Variants in CCDC148 observed in about 807,000 individuals in gnomAD.
CCDC148 encodes the protein coiled-coil domain containing 148.
Under a neutral mutation model 85.7 loss-of-function variants are expected in CCDC148, and 89 were observed. That is an observed-to-expected ratio of 1.04 (90% CI 0.87 to 1.24). The LOEUF is 1.24. Among genes scored for constraint, CCDC148 ranks in the 50% most tolerant of loss-of-function variants. The pLI is 0.00. For synonymous variants in CCDC148, 230 were observed against 213.9 expected, an observed-to-expected ratio of 1.08 and a Z score of -0.66; for missense variants, 692 against 671.7, an observed-to-expected ratio of 1.03 and a Z score of -0.33.
At chr2:158,322,456 T>A (rs557424586) in intron 7 of CCDC148, among the ~76,000 whole-genome samples, 1 of 152,196 alleles carries the variant, frequency 6.6e-6, no homozygotes, top group South Asian at 2.1e-4. Flanking sequence ...TGTATAGTTT[T>A]TTTTCATTTT....
chr2:158,272,573 C>T (rs536388478), intron 9 of CCDC148, among the ~76,000 whole-genome samples: 1 of 152,224 alleles, frequency 6.6e-6, no homozygotes, highest in African/African-American at 2.4e-5. Context: ...AGACTCAGAC[C>T]TTTTGATGAA....
chr2:158,305,787 C>G (rs1691657308), intron 9 of CCDC148, among the ~76,000 whole-genome samples: 1 of 146,484 alleles, frequency 6.8e-6, no homozygotes, highest in Non-Finnish European at 1.5e-5. Flanking sequence ...AAAGGAGGGA[C>G]ACCCTCTGAG....
chr2:158,455,200 C>G (rs1021040502), intron 1 of CCDC148, among the ~76,000 whole-genome samples: 1 of 152,054 alleles, frequency 6.6e-6, no homozygotes, highest in Non-Finnish European at 1.5e-5. Flanking sequence ...ATTAAAAAGC[C>G]GGAAGAAGTA....
intron 1 of CCDC148, among the ~76,000 whole-genome samples, chr2:158,386,830 C>T (rs1192002568): frequency 6.6e-6 from 1 of 152,084 alleles, no homozygotes; most frequent in Non-Finnish European, 1.5e-5. Flanking sequence ...CTCATATGCA[C>T]AGAACAATTC....
intron 1 of CCDC148, among the ~76,000 whole-genome samples, chr2:158,417,130 G>T (rs2105319592): frequency 6.6e-6 from 1 of 152,298 alleles, no homozygotes; most frequent in Admixed American, 6.5e-5. Context: ...CTTTTTACCA[G>T]TTCCCTCCTC....
chr2:158,350,904 C>T (rs1329314466), intron 2 of CCDC148, among the ~76,000 whole-genome samples: 3 of 152,012 alleles, frequency 2.0e-5, no homozygotes, highest in African/African-American at 7.3e-5. Context: ...GTATATTCAA[C>T]AGCCTCTCTT....
chr2:158,198,049 C>A (rs1046460387), intron 11 of CCDC148, among the ~76,000 whole-genome samples: 10 of 152,252 alleles, frequency 6.6e-5, no homozygotes, highest in African/African-American at 2.4e-4. Flanking sequence ...CTCACCACAA[C>A]CTTTGCCCAA....
chr2:158,405,869 T>C (rs1685976250), intron 1 of CCDC148, among the ~76,000 whole-genome samples: 1 of 151,790 alleles, frequency 6.6e-6, no homozygotes, highest in African/African-American at 2.4e-5. Flanking sequence ...CTAGCATTCA[T>C]GAATATAGGA....
intron 1 of CCDC148, among the ~76,000 whole-genome samples, chr2:158,398,995 C>T (rs1333662387): frequency 2.0e-5 from 3 of 152,164 alleles, no homozygotes; most frequent in Admixed American, 1.3e-4. Flanking sequence ...ATACTATAAA[C>T]ACCTCTACGC....
intron 10 of CCDC148, among the ~76,000 whole-genome samples, chr2:158,226,647 C>A (rs1353750653): frequency 6.6e-6 from 1 of 152,166 alleles, no homozygotes; most frequent in Non-Finnish European, 1.5e-5. Flanking sequence ...AAGGCTGGTT[C>A]AACATACGCA....
chr2:158,335,699 C>A (rs952542552), intron 7 of CCDC148, among the ~76,000 whole-genome samples: 3 of 152,064 alleles, frequency 2.0e-5, no homozygotes, highest in African/African-American at 2.4e-5. Context: ...CCTGGCCCCA[C>A]CCTTGACATG....
At chr2:158,431,488 T>TTA (rs777173141) in intron 1 of CCDC148, among the ~76,000 whole-genome samples, 28 of 147,038 alleles carry the variant, frequency 1.9e-4, no homozygotes, top group Non-Finnish European at 2.3e-4. Flanking sequence ...AGGTGTTTTT[T>TTA]AAAAAAAAAA....
chr2:158,261,188 A>C (rs546493005), intron 9 of CCDC148, among the ~76,000 whole-genome samples: 1 of 152,182 alleles, frequency 6.6e-6, no homozygotes, highest in South Asian at 2.1e-4. Flanking sequence ...CCAACAGAAC[A>C]GAATAGAGAG....
chr2:158,299,276 G>A (rs537175570), intron 9 of CCDC148, among the ~76,000 whole-genome samples: 6 of 152,284 alleles, frequency 3.9e-5, no homozygotes, highest in Non-Finnish European at 8.8e-5. Flanking sequence ...TCTAGTGGTT[G>A]TTCTCTGTTT....
intron 10 of CCDC148, among the ~76,000 whole-genome samples, chr2:158,239,102 C>T (rs1203409144): frequency 6.6e-6 from 1 of 152,126 alleles, no homozygotes; most frequent in Non-Finnish European, 1.5e-5. Context: ...TACTGCCTTG[C>T]ACATAGCAAG....
intron 1 of CCDC148, among the ~76,000 whole-genome samples, chr2:158,428,834 C>A (rs912747479): frequency 6.6e-6 from 1 of 151,960 alleles, no homozygotes; most frequent in African/African-American, 2.4e-5. Context: ...GACACATGCA[C>A]ACATATGTTT....
intron 9 of CCDC148, among the ~76,000 whole-genome samples, chr2:158,273,692 C>A (rs1559033782): frequency 6.6e-6 from 1 of 152,162 alleles, no homozygotes; most frequent in Non-Finnish European, 1.5e-5. Flanking sequence ...GGGTTCCTTA[C>A]AGAAATGAAT....
intron 1 of CCDC148, among the ~76,000 whole-genome samples, chr2:158,416,287 T>C (rs1325114184): frequency 2.6e-5 from 4 of 152,200 alleles, no homozygotes; most frequent in African/African-American, 9.6e-5. Flanking sequence ...ACGAGGTCTC[T>C]GAAATGCCTT....
At chr2:158,449,454 C>CTG (rs1688300737) in intron 1 of CCDC148, among the ~76,000 whole-genome samples, 1 of 147,842 alleles carries the variant, frequency 6.8e-6, no homozygotes, top group East Asian at 2.0e-4. Flanking sequence ...TCCTTGGTTT[C>CTG]TTTTTTTTTT....
Sources: gnomAD v4.1 joint callset for allele counts (sites outside exome capture counted in the v4.1 genomes callset) on GRCh38, gnomAD v4.1.1 for gene constraint, MANE v1.5 for transcripts, NCBI Gene and HGNC (gene_info 2026-07-23, HGNC 2026-07-21) for gene names.